Variants in BRIP1 observed in about 807,000 individuals in gnomAD.
BRIP1 encodes the protein BRCA1 interacting DNA helicase 1.
Under a neutral mutation model 119.7 loss-of-function variants are expected in BRIP1, and 88 were observed. The observed-to-expected ratio is 0.74, with a 90% CI of 0.62 to 0.88. The LOEUF is 0.88. Ranked by LOEUF, BRIP1 falls within the 40% of genes least tolerant of loss-of-function variation. The pLI, the probability that BRIP1 is intolerant of heterozygous loss-of-function variation, is 0.00. For synonymous variants in BRIP1, 443 were observed against 496.5 expected (o/e 0.89, Z 1.43); for missense variants, 1,259 against 1,455.4 (o/e 0.87, Z 2.20).
At chr17:61,817,259 T>C (rs1003111105) in intron 6 of BRIP1, among the ~76,000 whole-genome samples, 1 of 152,190 alleles carries the variant, frequency 6.6e-6, no homozygotes, top group African/African-American at 2.4e-5. Flanking sequence ...TATTATTTAG[T>C]CGGTGAAAAT....
chr17:61,811,158 C>A (rs2145443602), intron 6 of BRIP1, among the ~76,000 whole-genome samples: 1 of 152,238 alleles, frequency 6.6e-6, no homozygotes. Flanking sequence ...GTAATATGAA[C>A]AAATTATAAC....
At chr17:61,818,129 T>A (rs1309152467) in intron 6 of BRIP1, among the ~76,000 whole-genome samples, 1 of 142,776 alleles carries the variant, frequency 7.0e-6, no homozygotes, top group African/African-American at 2.6e-5. Flanking sequence ...AAGGCAGGCA[T>A]ATCACTTGTG....
In BRIP1 at chr17:61,726,190, G is replaced by A. The variant is rs187798818; in HGVS notation, c.2380-10127C>T. Among the ~76,000 whole-genome samples the A allele has an allele frequency of 2.6e-5, 4 of 152,196 alleles. No individual in the cohort carries two copies. The highest frequency in any genetic ancestry group is 1.9e-4 in the East Asian group (1 of 5,174). On this transcript the variant is annotated intron_variant, in intron 16 of 19. Coordinates refer to ENST00000259008, the MANE Select transcript of BRIP1 (RefSeq NM_032043.3). The surrounding 1 kb of genome is among the most constrained non-coding windows in gnomAD (Gnocchi z 6.2). ...TATAATTTCCTTTCTCAATTTCTTC[G>A]TCTGTAAGAAGGGGCTTAGAATTAG...
rs145051737 is a variant in BRIP1, at chr17:61,705,065, T to C, written c.2492+10886A>G. Among the ~76,000 whole-genome samples, 209 of 152,228 alleles carry C rather than the reference T, an allele frequency of 1.4e-3. 2 individuals carry two copies. The East Asian group carries it at 0.024, about 18-fold the overall frequency. Reference sequence around the variant, plus strand: ...AGCAAGCATAGAACACAATAGGTAGTTTTTCAACCCTTGCTTCCCTCCTTC... The same window carrying C: ...AGCAAGCATAGAACACAATAGGTAGCTTTTCAACCCTTGCTTCCCTCCTTC... On this transcript the variant is annotated intron_variant, in intron 17 of 19. Coordinates refer to ENST00000259008, the MANE Select transcript of BRIP1 (RefSeq NM_032043.3). The surrounding 1 kb of genome is among the most constrained non-coding windows in gnomAD (Gnocchi z 5.0).
Position 61,744,599 on chromosome 17 carries a change from G to A in BRIP1, c.2098-8C>T, listed in dbSNP as rs917048033. The A allele has an allele frequency of 6.2e-7, 1 of 1,611,606 alleles. No individual in the cohort carries two copies. Among genetic ancestry groups the A allele is most frequent in the Non-Finnish European group, 8.5e-7 (1 of 1,177,970 alleles). ...TTTTAATTTTTCTAATAACTAAAGA[G>A]GGGAAAGAAAAAAATGATTTTTTGT... On this transcript the variant is annotated splice_region_variant and splice_polypyrimidine_tract_variant and intron_variant, in intron 14 of 19. Coordinates refer to ENST00000259008, the MANE Select transcript of BRIP1 (RefSeq NM_032043.3). This position sits in a 1 kb window ranked among gnomAD's most constrained non-coding sequence, Gnocchi z 5.0.
In BRIP1 at chr17:61,744,336, A is replaced by C. The variant is rs1235457258; in HGVS notation, c.2257+96T>G. 3 of 1,313,074 alleles carry C rather than the reference A, an allele frequency of 2.3e-6. No individual in the cohort carries two copies. In the African/African-American group the frequency reaches 4.5e-5, roughly 20 times the overall value. The allele number at this position is 1,313,074 out of a possible 1,614,324, so 81.3% of individuals were successfully genotyped here. A position where few individuals can be genotyped will look rare whatever the true frequency, so the allele number is the denominator to read the frequency against. ...ACTCAGGATTATAATTTTTCTCTTA[A>C]GTGTAATTCATCTAAAAATATAAAA... On this transcript the variant is annotated intron_variant, in intron 15 of 19. Transcript: ENST00000259008. The surrounding 1 kb of genome is among the most constrained non-coding windows in gnomAD (Gnocchi z 5.0).
rs1272520829 is a variant in BRIP1 at position 61,734,462 on chromosome 17, G to T, written c.2379+8551C>A. On this transcript the variant is annotated intron_variant, in intron 16 of 19. Transcript: ENST00000259008. This position sits in a 1 kb window ranked among gnomAD's most constrained non-coding sequence, Gnocchi z 5.2. ...AGAAGCATCTGGGAAAGGTGGAAGT[G>T]AAAAAAATCCTCACTGGGAAAGTTA... 6.6e-6 allele frequency among the ~76,000 whole-genome samples: 1 copy of T among 152,070 alleles called. No homozygotes were observed. Among genetic ancestry groups the T allele is most frequent in the African/African-American group, 2.4e-5 (1 of 41,404 alleles).
chr17:61,805,189 CAAAGTAAACCATAAGAG>C lies in BRIP1; in HGVS notation c.918+3261_918+3277del, dbSNP rs1371742651. ...AAATGTATCTAGATATTGCTAGAAA[CAAAGTAAACCATAAGAG>C]ATTCATAACCTATAAAAGAATGTCA... On this transcript the variant is annotated intron_variant, in intron 7 of 19. Transcript: ENST00000259008. The surrounding 1 kb of genome is among the most constrained non-coding windows in gnomAD (Gnocchi z 5.6). 2.6e-5 allele frequency among the ~76,000 whole-genome samples: 4 copies of C among 151,874 alleles called. No individual in the cohort carries two copies. The highest frequency in any genetic ancestry group is 5.9e-5 in the Non-Finnish European group (4 of 67,966).
chr17:61,729,535 G>A lies in BRIP1; in HGVS notation c.2380-13472C>T, dbSNP rs2076816038. Among the ~76,000 whole-genome samples, 1 of 152,024 alleles carries A rather than the reference G, an allele frequency of 6.6e-6. No individual in the cohort carries two copies. Among genetic ancestry groups the A allele is most frequent in the African/African-American group, 2.4e-5 (1 of 41,402 alleles). On this transcript the variant is annotated intron_variant, in intron 16 of 19. Transcript: ENST00000259008. This position sits in a 1 kb window ranked among gnomAD's most constrained non-coding sequence, Gnocchi z 5.6. ...AGATAAAATATGGAGGTAAATACCA[G>A]ATAAAATAGCTAAAGAAGTGAAAGT...
rs1279398864 is a variant in BRIP1, at chr17:61,808,479, T to C, written c.906A>G (p.Leu302=). 1 of 1,613,458 alleles carries C rather than the reference T, an allele frequency of 6.2e-7. No homozygotes were observed. The highest frequency in any genetic ancestry group is 1.1e-5 in the South Asian group (1 of 91,072). ...FNRNEKCMEL[L]DGKNGKSCYF... is the part of the protein sequence containing the mutation. ...TAACTTTACTCACGTTTTTCCCATC[T>C]AGCAATTCCATGCACTTCTCATTTC... Residue 302 remains leucine (L), a synonymous_variant, in exon 7 of 20, where the codon CTA becomes CTG. Coordinates refer to ENST00000259008, the MANE Select transcript of BRIP1 (RefSeq NM_032043.3). The surrounding 1 kb of genome is among the most constrained non-coding windows in gnomAD (Gnocchi z 4.1).
At position 61,711,971 on chromosome 17, in the gene BRIP1, T is replaced by C. The variant is rs149272701; in HGVS notation, c.2492+3980A>G. ...CTTAAATCTAGTTGTTGTAGTCTTATGTCTAAGCTATACACAAATACACAT... is the reference window on the plus strand; with the variant it reads ...CTTAAATCTAGTTGTTGTAGTCTTACGTCTAAGCTATACACAAATACACAT... On this transcript the variant is annotated intron_variant, in intron 17 of 19. Coordinates refer to ENST00000259008, the MANE Select transcript of BRIP1 (RefSeq NM_032043.3). Among the ~76,000 whole-genome samples the C allele has an allele frequency of 3.6e-3, 543 of 152,236 alleles. 4 individuals carry two copies. The highest frequency in any genetic ancestry group is 4.6e-3 in the Non-Finnish European group (314 of 68,024).
At chr17:61,766,508 G>GA (rs370928165) in intron 14 of BRIP1, among the ~76,000 whole-genome samples, 519 of 151,638 alleles carry the variant, frequency 3.4e-3, no homozygotes, top group Non-Finnish European at 5.1e-3. Context: ...TACACGAGGG[G>GA]AAAAAAAACA....
At position 61,720,668 on chromosome 17, in the gene BRIP1, C is replaced by T. The variant is rs2061958464; in HGVS notation, c.2380-4605G>A. Among the ~76,000 whole-genome samples the T allele has an allele frequency of 6.6e-6, 1 of 152,176 alleles. No homozygotes were observed. Among genetic ancestry groups the T allele is most frequent in the South Asian group, 2.1e-4 (1 of 4,830 alleles). On this transcript the variant is annotated intron_variant, in intron 16 of 19. Transcript: ENST00000259008. This position sits in a 1 kb window ranked among gnomAD's most constrained non-coding sequence, Gnocchi z 4.3. ...CTTTGTCCAGTATATCCATGCTGTA[C>T]ATACTACCCACCAGCAGTTAGTAGT...
rs2145572352 is a variant in BRIP1 at position 61,825,266 on chromosome 17, C to G, written c.628-16509G>C. On this transcript the variant is annotated intron_variant, in intron 6 of 19. Coordinates refer to ENST00000259008, the MANE Select transcript of BRIP1 (RefSeq NM_032043.3). This position sits in a 1 kb window ranked among gnomAD's most constrained non-coding sequence, Gnocchi z 4.1. The stretch of plus-strand genomic sequence containing the variant: ...TGCCACTGCACTCCAGCCTGGGCGA[C>G]AGAGCAAGACTCTGTCTCAAAACGA... Among the ~76,000 whole-genome samples the G allele has an allele frequency of 6.7e-6, 1 of 149,866 alleles. No individual in the cohort carries two copies. Among genetic ancestry groups the G allele is most frequent in the Non-Finnish European group, 1.5e-5 (1 of 67,622 alleles).
rs569249502 is a variant in BRIP1, at chr17:61,691,656, A to G, written c.2575+1774T>C. 6.6e-6 allele frequency among the ~76,000 whole-genome samples: 1 copy of G among 152,150 alleles called. No homozygotes were observed. The highest frequency in any genetic ancestry group is 1.5e-5 in the Non-Finnish European group (1 of 68,026). ...TTTTTAATAGAGATGGGGTTTCACC[A>G]TGTTGGCCAGGCTGGTCTCAAACTC... is the stretch of plus-strand genomic sequence containing the variant. On this transcript the variant is annotated intron_variant, in intron 18 of 19. Coordinates refer to ENST00000259008, the MANE Select transcript of BRIP1 (RefSeq NM_032043.3). This position sits in a 1 kb window ranked among gnomAD's most constrained non-coding sequence, Gnocchi z 5.0.
intron 16 of BRIP1, among the ~76,000 whole-genome samples, chr17:61,723,466 T>C (rs12453966): frequency 0.21 from 31,688 of 152,072 alleles, 4,150 homozygotes; most frequent in Admixed American, 0.42. Context: ...ATTTGGGAGG[T>C]CATGCCCACA....
chr17:61,855,498 G>A lies in BRIP1; in HGVS notation c.379+1560C>T, dbSNP rs530131138. Among the ~76,000 whole-genome samples, 9 of 149,374 alleles carry A rather than the reference G, an allele frequency of 6.0e-5. No homozygotes were observed. The East Asian group carries it at 1.2e-3, about 20-fold the overall frequency. ...GGAGGCTGAGGCAGGATAATTGCTC[G>A]AACCCAGGAGGTGAAGGTTGCAGTG... On this transcript the variant is annotated intron_variant, in intron 4 of 19. Coordinates refer to ENST00000259008, the MANE Select transcript of BRIP1 (RefSeq NM_032043.3).
Position 61,735,376 on chromosome 17 carries a change from A to G in BRIP1, c.2379+7637T>C, listed in dbSNP as rs774710307. Among the ~76,000 whole-genome samples, 5 of 152,100 alleles carry G rather than the reference A, an allele frequency of 3.3e-5. No individual in the cohort carries two copies. The highest frequency in any genetic ancestry group is 7.3e-5 in the Non-Finnish European group (5 of 68,038). On this transcript the variant is annotated intron_variant, in intron 16 of 19. Transcript: ENST00000259008. The surrounding 1 kb of genome is among the most constrained non-coding windows in gnomAD (Gnocchi z 4.4). ...TTTATTAAGTTGTGTAAGACTCTGT[A>G]TTGGCTGACTGGGGCTAGAGAGCTT...
chr17:61,698,698 TA>T (rs1394883864), intron 17 of BRIP1, among the ~76,000 whole-genome samples: 3 of 151,924 alleles, frequency 2.0e-5, no homozygotes, highest in Non-Finnish European at 2.9e-5. Flanking sequence ...TTAGACTTGT[TA>T]TTTTTTTTTA....
Sources: allele counts gnomAD v4.1 joint callset (sites outside exome capture counted in the v4.1 genomes callset), GRCh38; gene constraint gnomAD v4.1.1; non-coding constraint Gnocchi (gnomAD v3.1); transcripts MANE v1.5; gene names NCBI Gene and HGNC (gene_info 2026-07-23, HGNC 2026-07-21).